The following PTBP2 variants were observed in gnomAD, a reference collection of about 807,000 sequenced individuals.
PTBP2 encodes polypyrimidine tract-binding protein 2.
A neutral mutation model predicts 61.4 loss-of-function variants in PTBP2; 13 were observed. The observed-to-expected ratio is 0.21, with a 90% CI of 0.14 to 0.34. The LOEUF is 0.34. Among genes scored for constraint, PTBP2 ranks in the 10% least tolerant of loss-of-function variants. The probability of loss-of-function intolerance (pLI) is 1.00; values close to 1 mark genes in which losing one functional copy is unlikely to be tolerated. For synonymous variants in PTBP2, 215 were observed against 218.5 expected, an observed-to-expected ratio of 0.98 and a Z score of 0.14; for missense variants, 405 against 642.6, an observed-to-expected ratio of 0.63 and a Z score of 4.00.
At chr1:96,775,423 A>G (rs2101034145) in intron 5 of PTBP2, among the ~76,000 whole-genome samples, 1 of 152,322 alleles carries the variant, frequency 6.6e-6, no homozygotes, top group Middle Eastern at 3.4e-3. Flanking sequence ...GTTGTGTTGT[A>G]TTCATTTAGT....
At position 96,721,803 on chromosome 1, in the gene PTBP2, C is replaced by T; in HGVS notation, c.-62C>T. ...GGCCCCAGCCGCCATTTTCTCGCCGCTTGTGTGGCTCGCTGGCTGCGTGGC... is the reference window on the plus strand; with the variant it reads ...GGCCCCAGCCGCCATTTTCTCGCCGTTTGTGTGGCTCGCTGGCTGCGTGGC... On this transcript the variant is annotated 5_prime_UTR_variant, in exon 1 of 14. Coordinates refer to ENST00000674951, the MANE Select transcript of PTBP2 (RefSeq NM_021190.4). 6.4e-7 allele frequency: 1 copy of T among 1,550,732 alleles called. No individual in the cohort carries two copies. Among genetic ancestry groups the T allele is most frequent in the South Asian group, 1.2e-5 (1 of 84,010 alleles).
intron 11 of PTBP2, among the ~76,000 whole-genome samples, chr1:96,807,532 A>T (rs1056053635): frequency 6.6e-6 from 1 of 152,214 alleles, no homozygotes. Flanking sequence ...TAAATCTAGA[A>T]CACACCTGCA....
At position 96,756,114 on chromosome 1, in the gene PTBP2, T is replaced by C. The variant is rs577061405; in HGVS notation, c.115+4614T>C. ...AATTTGGCAATTTCTTAGAAAACTA[T>C]ACGGCCGGGCACAGTGGCTTACGCC... On this transcript the variant is annotated intron_variant, in intron 3 of 13. Coordinates refer to ENST00000674951, the MANE Select transcript of PTBP2 (RefSeq NM_021190.4). Among the ~76,000 whole-genome samples the C allele has an allele frequency of 1.1e-4, 17 of 152,284 alleles. No homozygotes were observed. In the East Asian group the frequency reaches 3.1e-3, roughly 28 times the overall value.
At chr1:96,731,619 A>G (rs1465540523) in intron 2 of PTBP2, among the ~76,000 whole-genome samples, 1 of 152,144 alleles carries the variant, frequency 6.6e-6, no homozygotes, top group Non-Finnish European at 1.5e-5. Context: ...TAATGTATTT[A>G]CATTTAGAAT....
intron 5 of PTBP2, among the ~76,000 whole-genome samples, chr1:96,775,330 A>G: frequency 6.6e-6 from 1 of 152,240 alleles, no homozygotes; most frequent in East Asian, 1.9e-4. Flanking sequence ...GTTAAAAGAT[A>G]TGTACAAGAA....
intron 7 of PTBP2, among the ~76,000 whole-genome samples, chr1:96,779,059 A>G (rs1658359457): frequency 1.3e-5 from 2 of 152,162 alleles, no homozygotes; most frequent in African/African-American, 2.4e-5. Flanking sequence ...AACACCACCT[A>G]TAAGGTAGAC....
At chr1:96,790,226 A>T (rs904887688) in intron 8 of PTBP2, among the ~76,000 whole-genome samples, 1 of 150,712 alleles carries the variant, frequency 6.6e-6, no homozygotes, top group African/African-American at 2.4e-5. Context: ...TGTTTCTTAT[A>T]TAAACTTAAA....
At chr1:96,811,089 G>A (rs1252634545) in intron 11 of PTBP2, among the ~76,000 whole-genome samples, 2 of 151,846 alleles carry the variant, frequency 1.3e-5, no homozygotes, top group Admixed American at 6.6e-5. Flanking sequence ...ACAAATTAGG[G>A]AAGTAAGTTC....
chr1:96,752,602 A>G (rs1474145643), intron 3 of PTBP2, among the ~76,000 whole-genome samples: 1 of 152,186 alleles, frequency 6.6e-6, no homozygotes, highest in Non-Finnish European at 1.5e-5. Context: ...TAGTCAAAGT[A>G]CCATGTACAC....
At chr1:96,788,002 T>A (rs1318179454) in intron 8 of PTBP2, among the ~76,000 whole-genome samples, 1 of 152,206 alleles carries the variant, frequency 6.6e-6, no homozygotes, top group Non-Finnish European at 1.5e-5. Context: ...TGATATTAAC[T>A]TAAACTAACA....
chr1:96,765,396 G>T (rs1049031139), intron 3 of PTBP2, among the ~76,000 whole-genome samples: 1 of 152,130 alleles, frequency 6.6e-6, no homozygotes, highest in Non-Finnish European at 1.5e-5. Context: ...GAATGAGTAG[G>T]ACTAAAATAA....
At chr1:96,763,038 G>A (rs916297685) in intron 3 of PTBP2, among the ~76,000 whole-genome samples, 6 of 150,246 alleles carry the variant, frequency 4.0e-5, no homozygotes, top group East Asian at 2.0e-4. Context: ...GGGAAGAGGC[G>A]CTCCTCACTT....
intron 8 of PTBP2, among the ~76,000 whole-genome samples, chr1:96,787,716 C>T (rs1659366447): frequency 6.6e-6 from 1 of 152,080 alleles, no homozygotes; most frequent in South Asian, 2.1e-4. Context: ...TAAAATTGCT[C>T]TGTATTTGCA....
At chr1:96,741,049 A>G (rs1260062003) in intron 2 of PTBP2, among the ~76,000 whole-genome samples, 1 of 151,776 alleles carries the variant, frequency 6.6e-6, no homozygotes, top group Non-Finnish European at 1.5e-5. Context: ...CGCTGCATGT[A>G]GATTCTTGTT....
In PTBP2 at chr1:96,822,041, G is replaced by C. The variant is rs1181931946; in HGVS notation, c.*8636G>C. 2.6e-5 allele frequency: 4 copies of C among 152,244 alleles called. No homozygotes were observed. The East Asian group carries it at 7.7e-4, about 29-fold the overall frequency. 9.4% of individuals were successfully genotyped at this position (152,244 alleles called of 1,614,324 possible). ...GGATGAAATACAGGTTGGTGCGAAA[G>C]TAATTGCGATTTTTGCCGTTAAAAT... On this transcript the variant is annotated 3_prime_UTR_variant, in exon 14 of 14. Coordinates refer to the PTBP2 transcript ENST00000609116.
chr1:96,760,587 A>T (rs930361253), intron 3 of PTBP2, among the ~76,000 whole-genome samples: 66 of 151,922 alleles, frequency 4.3e-4, no homozygotes, highest in African/African-American at 1.5e-3. Context: ...CTGGAACTAC[A>T]GGTGCACGCC....
chr1:96,753,767 T>A (rs1654852497), intron 3 of PTBP2, among the ~76,000 whole-genome samples: 1 of 152,168 alleles, frequency 6.6e-6, no homozygotes, highest in African/African-American at 2.4e-5. Context: ...ATATTCTAAT[T>A]GAAAAATACA....
chr1:96,762,091 T>A (rs1053423642), intron 3 of PTBP2, among the ~76,000 whole-genome samples: 5 of 151,160 alleles, frequency 3.3e-5, no homozygotes, highest in African/African-American at 9.8e-5. Context: ...GAATTTTTCT[T>A]AGTACAGAAC....
rs1221597037 is a variant in PTBP2, at chr1:96,806,945, C to T, written c.1158C>T (p.Asn386=). The part of the protein sequence containing the change: ...DSALIQMADG[N]QSQLAMNHLN... ...CTCTAATACAGATGGCTGATGGAAA[C>T]CAATCACAACTTGGTAAGATTAAAC... The change falls in exon 11 of 14, where the codon AAC becomes AAT. Residue 386 remains asparagine, a synonymous_variant. Transcript: ENST00000674951. The T allele has an allele frequency of 1.2e-6, 2 of 1,605,156 alleles. No homozygotes were observed. Among genetic ancestry groups the T allele is most frequent in the African/African-American group, 1.3e-5 (1 of 74,186 alleles).
Sources: allele counts gnomAD v4.1 joint callset (sites outside exome capture counted in the v4.1 genomes callset), GRCh38; gene constraint gnomAD v4.1.1; transcripts MANE v1.5; gene names NCBI Gene and HGNC (gene_info 2026-07-23, HGNC 2026-07-21).